STK10: variants seen among roughly 807,000 people sequenced by gnomAD.
The protein encoded by STK10 is serine/threonine-protein kinase 10.
Under a neutral mutation model 113.8 loss-of-function variants are expected in STK10, and 78 were observed. The ratio of observed to expected loss-of-function variants is 0.69; its 90% CI spans 0.57 to 0.83. STK10 has a LOEUF of 0.83. Among genes scored for constraint, STK10 ranks in the 40% least tolerant of loss-of-function variants. The probability of loss-of-function intolerance (pLI) is 0.00; values close to 1 mark genes in which losing one functional copy is unlikely to be tolerated. For missense variants in STK10, 1,109 were observed against 1,280.1 expected (o/e 0.87, Z 2.04); for synonymous variants, 465 against 494.7 (o/e 0.94, Z 0.80).
At chr5:172,113,261 C>T (rs1029596043) in intron 4 of STK10, among the ~76,000 whole-genome samples, 5 of 151,978 alleles carry the variant, frequency 3.3e-5, no homozygotes, top group Non-Finnish European at 4.4e-5. Flanking sequence ...GAGGGCATGC[C>T]GGCTGCAGGA....
intron 3 of STK10, among the ~76,000 whole-genome samples, chr5:172,126,814 C>T (rs1262680102): frequency 2.0e-5 from 3 of 152,126 alleles, no homozygotes; most frequent in East Asian, 1.9e-4. Flanking sequence ...AGACCTTCCT[C>T]GGGTATCTCG....
In STK10 at chr5:172,093,071, T is replaced by C. The variant is rs1768756129; in HGVS notation, c.1554+341A>G. Among the ~76,000 whole-genome samples, 1 of 152,212 alleles carries C rather than the reference T, an allele frequency of 6.6e-6. No homozygotes were observed. The highest frequency in any genetic ancestry group is 1.5e-5 in the Non-Finnish European group (1 of 68,044). On this transcript the variant is annotated intron_variant, in intron 9 of 18. Transcript: ENST00000176763. The surrounding 1 kb of genome is among the most constrained non-coding windows in gnomAD (Gnocchi z 4.1). ...AGGCGGGGAAGATGGCTTTGAGCTG[T>C]TTCCTTTAGTTGGATTTACCAGTTA...
Position 172,082,568 on chromosome 5 carries a change from G to T in STK10, c.1810-63C>A. 6.6e-7 allele frequency: 1 copy of T among 1,508,632 alleles called. No homozygotes were observed. Among genetic ancestry groups the T allele is most frequent in the Non-Finnish European group, 8.9e-7 (1 of 1,126,646 alleles). The allele number at this position is 1,508,632 out of a possible 1,614,324, so 93.5% of individuals were successfully genotyped here. ...CACTTTATACCTGGGAGGGACATGGGAAGTGGAATGGGGAGAACTCAGAGC... is the reference window on the plus strand; with the variant it reads ...CACTTTATACCTGGGAGGGACATGGTAAGTGGAATGGGGAGAACTCAGAGC... On this transcript the variant is annotated intron_variant, in intron 11 of 18. Coordinates refer to ENST00000176763, the MANE Select transcript of STK10 (RefSeq NM_005990.4). The surrounding 1 kb of genome is among the most constrained non-coding windows in gnomAD (Gnocchi z 4.3).
intron 12 of STK10, among the ~76,000 whole-genome samples, chr5:172,068,806 AC>A (rs1472579854): frequency 6.6e-6 from 1 of 151,098 alleles, no homozygotes; most frequent in Admixed American, 6.6e-5. Flanking sequence ...AACTGCTTGA[AC>A]CCAGGAGGCA....
At chr5:172,066,747 T>C (rs781560233) in intron 12 of STK10, among the ~76,000 whole-genome samples, 6 of 152,286 alleles carry the variant, frequency 3.9e-5, no homozygotes, top group African/African-American at 7.2e-5. Flanking sequence ...GATCATACCA[T>C]TGAACTTCCA....
intron 4 of STK10, among the ~76,000 whole-genome samples, chr5:172,111,698 A>G (rs776727973): frequency 1.4e-4 from 22 of 152,218 alleles, no homozygotes; most frequent in Non-Finnish European, 2.5e-4. Context: ...AGGGCGGCGG[A>G]GATAAGGGAA....
chr5:172,130,072 T>A (rs148570976), intron 2 of STK10, among the ~76,000 whole-genome samples: 2 of 152,306 alleles, frequency 1.3e-5, no homozygotes, highest in African/African-American at 4.8e-5. Flanking sequence ...TCCTTCCACA[T>A]CCTGAAGTTC....
intron 2 of STK10, among the ~76,000 whole-genome samples, chr5:172,137,724 CAAAAA>C (rs34773105): frequency 1.1e-5 from 1 of 91,020 alleles, no homozygotes; most frequent in African/African-American, 3.9e-5. Context: ...ACTAAAAATA[CAAAAA>C]AAAAAAAAAA....
intron 7 of STK10, among the ~76,000 whole-genome samples, chr5:172,100,307 G>GT (rs2113756022): frequency 6.6e-6 from 1 of 152,272 alleles, no homozygotes; most frequent in South Asian, 2.1e-4. Context: ...CTTCCCCCCA[G>GT]TAAGAGGCAC....
chr5:172,177,440 T>A (rs921713934), intron 1 of STK10, among the ~76,000 whole-genome samples: 7 of 152,234 alleles, frequency 4.6e-5, no homozygotes, highest in African/African-American at 1.7e-4. Context: ...GGCCTGGCCC[T>A]GGCCCATGCC....
intron 12 of STK10, among the ~76,000 whole-genome samples, 190 bp from the exon 13 acceptor site, chr5:172,065,002 G>T (rs757236067): frequency 2.8e-4 from 42 of 152,302 alleles, no homozygotes; most frequent in Non-Finnish European, 5.4e-4. Context: ...ACTCCTGCCT[G>T]CCGCTGGTTT....
chr5:172,170,119 A>AT (rs759733581), intron 1 of STK10, among the ~76,000 whole-genome samples: 59 of 139,862 alleles, frequency 4.2e-4, no homozygotes, highest in South Asian at 2.0e-3. Context: ...CTCAGTATGT[A>AT]TCCTTTTTTT....
At chr5:172,131,074 C>T (rs1769745826) in intron 2 of STK10, among the ~76,000 whole-genome samples, 1 of 134,314 alleles carries the variant, frequency 7.4e-6, no homozygotes. Context: ...CACTCTGTTG[C>T]CCAGGCTGGA....
At chr5:172,069,527 G>T (rs1768134257) in intron 12 of STK10, among the ~76,000 whole-genome samples, 1 of 152,156 alleles carries the variant, frequency 6.6e-6, no homozygotes, top group African/African-American at 2.4e-5. Context: ...GGAGGCTGAG[G>T]AGGATCACTT....
Position 172,055,508 on chromosome 5 carries a change from TGTATAAGGCCCAG to T in STK10, c.2526+67_2526+79del. On this transcript the variant is annotated intron_variant, in intron 16 of 18. Transcript: ENST00000176763. ...CATCTTGTTTCATATTCTCCAAAAC[TGTATAAGGCCCAG>T]GTCCCGCCAAACCTGGCCCTGCCTA... The T allele has an allele frequency of 4.7e-6, 6 of 1,269,242 alleles. No homozygotes were observed. In the South Asian group the frequency reaches 9.8e-5, roughly 21 times the overall value. 78.6% of individuals were successfully genotyped at this position (1,269,242 alleles called of 1,614,324 possible). A position where few individuals can be genotyped will look rare whatever the true frequency, so the allele number is the denominator to read the frequency against.
Position 172,053,006 on chromosome 5 carries a change from G to A in STK10, c.2689C>T (p.Gln897Ter). 1.9e-6 allele frequency: 3 copies of A among 1,614,186 alleles called. No individual in the cohort carries two copies. The highest frequency in any genetic ancestry group is 2.5e-6 in the Non-Finnish European group (3 of 1,180,036). The change falls in exon 18 of 19, where the codon CAG becomes TAG. Residue 897 changes from glutamine (Q) to a stop codon, truncating the protein, a stop_gained. Transcript: ENST00000176763. LOFTEE classifies it high-confidence loss of function. ...KCHLLVEHET[Q>*]KLKALDESHN... ...CTCTCATCCAGGGCCTTCAGTTTCTGGGTTTCGTGCTCTACCAGGAGGTGG... is the reference window on the plus strand; with the variant it reads ...CTCTCATCCAGGGCCTTCAGTTTCTAGGTTTCGTGCTCTACCAGGAGGTGG...
chr5:172,175,950 T>G (rs562093814), intron 1 of STK10, among the ~76,000 whole-genome samples: 1 of 152,168 alleles, frequency 6.6e-6, no homozygotes, highest in Non-Finnish European at 1.5e-5. Flanking sequence ...ATGATGGACA[T>G]GTAGGAACTG....
chr5:172,109,750 T>C (rs1306289501), intron 4 of STK10, among the ~76,000 whole-genome samples: 3 of 152,118 alleles, frequency 2.0e-5, no homozygotes, highest in Non-Finnish European at 2.9e-5. Context: ...GACTGAAAAA[T>C]AGATTCAGGA....
At chr5:172,123,751 G>T (rs1769563875) in intron 3 of STK10, among the ~76,000 whole-genome samples, 1 of 152,018 alleles carries the variant, frequency 6.6e-6, no homozygotes. Context: ...GTGTGGGATG[G>T]GTGGTTATTC....
Sources: gnomAD v4.1 joint callset for allele counts (sites outside exome capture counted in the v4.1 genomes callset) on GRCh38, gnomAD v4.1.1 for gene constraint, Gnocchi (gnomAD v3.1) non-coding constraint, MANE v1.5 for transcripts, NCBI Gene and HGNC (gene_info 2026-07-23, HGNC 2026-07-21) for gene names.